Variants in AURKA observed in about 807,000 individuals in gnomAD.
AURKA encodes the protein aurora 2.
A neutral mutation model predicts 40.9 loss-of-function variants in AURKA; 12 were observed. The observed-to-expected ratio is 0.29, with a 90% CI of 0.19 to 0.48. AURKA has a LOEUF of 0.48. Among genes scored for constraint, AURKA ranks in the 20% least tolerant of loss-of-function variants. The pLI is 0.99. For synonymous variants in AURKA, 170 were observed against 164.3 expected (o/e 1.03, Z -0.26); for missense variants, 322 against 462.1 (o/e 0.70, Z 2.78).
chr20:56,371,820 G>C (rs1001569143), intron 7 of AURKA, among the ~76,000 whole-genome samples: 1 of 152,194 alleles, frequency 6.6e-6, no homozygotes, highest in Non-Finnish European at 1.5e-5. Flanking sequence ...AATTTTCTTA[G>C]GAGTGATCAT....
rs1042339872 is a variant in AURKA, at chr20:56,370,716, T to C, written c.855-57A>G. On this transcript the variant is annotated intron_variant, in intron 7 of 8. Transcript: ENST00000395915. ...CTTCTCGTTTTATGATCACAACAGC[T>C]GCTAACAATCATTAAAGAGTCCACT... The C allele has an allele frequency of 3.8e-6, 6 of 1,592,160 alleles. No homozygotes were observed. The African/African-American group carries it at 5.4e-5, about 14-fold the overall frequency.
intron 2 of AURKA, 124 bp downstream of exon 2, chr20:56,388,032 A>G (rs1320155742): frequency 2.8e-5 from 3 of 109,076 alleles, no homozygotes; most frequent in Admixed American, 1.7e-4. Flanking sequence ...TGACTAATTC[A>G]TATCCAGGAT....
intron 6 of AURKA, among the ~76,000 whole-genome samples, chr20:56,378,642 T>G (rs1400453333): frequency 6.6e-6 from 1 of 152,214 alleles, no homozygotes; most frequent in Non-Finnish European, 1.5e-5. Context: ...TACCCTTCAG[T>G]AGACGAATAA....
chr20:56,390,033 T>C (rs1986870805), intron 1 of AURKA, among the ~76,000 whole-genome samples: 1 of 152,142 alleles, frequency 6.6e-6, no homozygotes, highest in Non-Finnish European at 1.5e-5. Context: ...ACAAATCAGA[T>C]GTGTTGATCC....
At chr20:56,383,237 A>C (rs536842628) in intron 4 of AURKA, 61 bp from the exon 5 acceptor site, 3 of 1,534,180 alleles carry the variant, frequency 2.0e-6, no homozygotes, top group Non-Finnish European at 2.7e-6. Context: ...ACAAATTTTC[A>C]ATGAGTAGCA....
chr20:56,386,441 C>T lies in AURKA; in HGVS notation c.135G>A (p.Gln45=). 6.2e-7 allele frequency: 1 copy of T among 1,614,198 alleles called. No homozygotes were observed. The highest frequency in any genetic ancestry group is 8.5e-7 in the Non-Finnish European group (1 of 1,180,040). ...AAGAATTTGAAGGACACAAGACCCGCTGAGCCTGGCCACTATTTACAGGTA... is the reference window on the plus strand; with the variant it reads ...AAGAATTTGAAGGACACAAGACCCGTTGAGCCTGGCCACTATTTACAGGTA... The part of the protein sequence containing the change: ...NPLPVNSGQA[Q]RVLCPSNSSQ... The change falls in exon 3 of 9, where the codon CAG becomes CAA. Residue 45 remains glutamine (Q), a synonymous_variant. Coordinates refer to ENST00000395915, the MANE Select transcript of AURKA (RefSeq NM_198437.3).
chr20:56,373,256 T>C lies in AURKA; in HGVS notation c.854+152A>G. 9.8e-7 allele frequency: 1 copy of C among 1,015,686 alleles called. No homozygotes were observed. The highest frequency in any genetic ancestry group is 1.5e-6 in the Non-Finnish European group (1 of 661,660). 62.9% of individuals were successfully genotyped at this position (1,015,686 alleles called of 1,614,324 possible). On this transcript the variant is annotated intron_variant, in intron 7 of 8. Transcript: ENST00000395915. The surrounding 1 kb of genome is among the most constrained non-coding windows in gnomAD (Gnocchi z 5.0). The stretch of plus-strand genomic sequence containing the variant: ...ACACTTTCTTGCAAACCCTAGTTTA[T>C]TATTAAGCCTAAATTACTCCAAAGT...
intron 2 of AURKA, among the ~76,000 whole-genome samples, chr20:56,387,614 A>G (rs905829922): frequency 2.6e-5 from 4 of 152,330 alleles, no homozygotes; most frequent in Admixed American, 6.5e-5. Context: ...CTAGAAATGA[A>G]AGCCTCAAAG....
At position 56,373,629 on chromosome 20, in the gene AURKA, A is replaced by C; in HGVS notation, c.706-73T>G. On this transcript the variant is annotated intron_variant, in intron 6 of 8. Transcript: ENST00000395915. The surrounding 1 kb of genome is among the most constrained non-coding windows in gnomAD (Gnocchi z 5.0). ...AAGTTAATATTAGACATCTCTTCCG[A>C]AAGGAACACAACATAGATTTAACAT... The C allele has an allele frequency of 6.5e-7, 1 of 1,540,020 alleles. No individual in the cohort carries two copies. The highest frequency in any genetic ancestry group is 2.3e-5 in the East Asian group (1 of 44,100).
Position 56,370,025 on chromosome 20 carries a change from G to A in AURKA, c.*133C>T, listed in dbSNP as rs187071479. ...ATAGGGAGGTTAAGGCACACCTGCT[G>A]AGTAAAACAAATATTTCTTGTGTAG... On this transcript the variant is annotated 3_prime_UTR_variant, in exon 9 of 9. Transcript: ENST00000395915. 11 of 1,169,478 alleles carry A rather than the reference G, an allele frequency of 9.4e-6. No individual in the cohort carries two copies. Among genetic ancestry groups the A allele is most frequent in the African/African-American group, 3.0e-5 (2 of 66,252 alleles). The allele number at this position is 1,169,478 out of a possible 1,614,324, so 72.4% of individuals were successfully genotyped here. A position where few individuals can be genotyped will look rare whatever the true frequency, so the allele number is the denominator to read the frequency against.
intron 3 of AURKA, among the ~76,000 whole-genome samples, chr20:56,384,654 C>G (rs1986137412): frequency 6.6e-6 from 1 of 152,128 alleles, no homozygotes; most frequent in Non-Finnish European, 1.5e-5. Flanking sequence ...TACCAATCTT[C>G]CCATGCATGA....
At position 56,383,165 on chromosome 20, in the gene AURKA, G is replaced by T; in HGVS notation, c.386C>A (p.Ala129Asp). The change falls in exon 5 of 9, where the codon GCT becomes GAT. Residue 129 changes from alanine (A) to aspartate (D), a missense_variant. Coordinates refer to ENST00000395915, the MANE Select transcript of AURKA (RefSeq NM_198437.3). ...KNEESKKRQW[A>D]LEDFEIGRPL... Reference sequence around the variant, plus strand: ...GCGACCAATTTCAAAGTCTTCCAAAGCCCACTGCCTCCTAGGAGGAATTTG... The same window carrying T: ...GCGACCAATTTCAAAGTCTTCCAAATCCCACTGCCTCCTAGGAGGAATTTG... 6.2e-7 allele frequency: 1 copy of T among 1,614,168 alleles called. No homozygotes were observed. Among genetic ancestry groups the T allele is most frequent in the East Asian group, 2.2e-5 (1 of 44,886 alleles).
intron 2 of AURKA, among the ~76,000 whole-genome samples, chr20:56,387,290 C>A (rs1316195108): frequency 1.3e-5 from 2 of 152,088 alleles, no homozygotes; most frequent in Admixed American, 1.3e-4. Context: ...GCAGCTGGGA[C>A]GACAGGCGCC....
rs2146117730 is a variant in AURKA at position 56,370,129 on chromosome 20, G to A, written c.*29C>T. On this transcript the variant is annotated 3_prime_UTR_variant, in exon 9 of 9. Coordinates refer to ENST00000395915, the MANE Select transcript of AURKA (RefSeq NM_198437.3). ...CCTGTCAGGTTATATGGCAGCCCTG[G>A]CTCAAGGATTTCTCCCCCTGCACGA... 6.2e-7 allele frequency: 1 copy of A among 1,611,426 alleles called. No individual in the cohort carries two copies. Among genetic ancestry groups the A allele is most frequent in the Non-Finnish European group, 8.5e-7 (1 of 1,179,360 alleles).
Position 56,384,130 on chromosome 20 carries a change from T to A in AURKA, c.374+140A>T, listed in dbSNP as rs574148597. On this transcript the variant is annotated intron_variant, in intron 4 of 8. Transcript: ENST00000395915. ...ACACAAAATTCCATTTTTTTTAAGA[T>A]TGGAAATCTGGAAACATTTATATCC... 3 of 621,996 alleles carry A rather than the reference T, an allele frequency of 4.8e-6. No individual in the cohort carries two copies. The East Asian group carries it at 8.6e-5, about 18-fold the overall frequency. The allele number at this position is 621,996 out of a possible 1,614,324, so 38.5% of individuals were successfully genotyped here. A position where few individuals can be genotyped will look rare whatever the true frequency, so the allele number is the denominator to read the frequency against.
At chr20:56,383,724 C>T (rs957183755) in intron 4 of AURKA, among the ~76,000 whole-genome samples, 1 of 152,194 alleles carries the variant, frequency 6.6e-6, no homozygotes, top group South Asian at 2.1e-4. Flanking sequence ...TGTTAGACCG[C>T]TAAAAGCAAA....
intron 7 of AURKA, among the ~76,000 whole-genome samples, chr20:56,372,069 A>G (rs1984313670): frequency 6.6e-6 from 1 of 152,162 alleles, no homozygotes; most frequent in Non-Finnish European, 1.5e-5. Context: ...GTTGGAAAAA[A>G]GCTGGGAACA....
At chr20:56,380,985 A>C (rs1985633864) in intron 6 of AURKA, among the ~76,000 whole-genome samples, 1 of 152,110 alleles carries the variant, frequency 6.6e-6, no homozygotes, top group Admixed American at 6.6e-5. Context: ...AATTTCTGTA[A>C]ATCTAAAACT....
At chr20:56,390,663 AC>A (rs1356420162) in intron 1 of AURKA, 1 of 133,542 alleles carries the variant, frequency 7.5e-6, no homozygotes, top group African/African-American at 3.2e-5. Flanking sequence ...ATGGAGTGAG[AC>A]CCTGTCTCAA....
Sources: allele counts gnomAD v4.1 joint callset (sites outside exome capture counted in the v4.1 genomes callset), GRCh38; gene constraint gnomAD v4.1.1; non-coding constraint Gnocchi (gnomAD v3.1); transcripts MANE v1.5; gene names NCBI Gene and HGNC (gene_info 2026-07-23, HGNC 2026-07-21).